DOCK1: variants seen among roughly 807,000 people sequenced by gnomAD.
DOCK1 encodes dedicator of cytokinesis protein 1.
A neutral mutation model predicts 262.7 loss-of-function variants in DOCK1; 138 were observed. That is an observed-to-expected ratio of 0.53 (90% CI 0.46 to 0.61). DOCK1 has a LOEUF of 0.61. Ranked by LOEUF, DOCK1 falls within the 20% of genes least tolerant of loss-of-function variation. DOCK1 has a pLI of 0.00. For missense variants in DOCK1, 1,908 were observed against 2,370.7 expected (o/e 0.80, Z 4.05); for synonymous variants, 866 against 867.4 (o/e 1.00, Z 0.03).
chr10:127,396,466 C>T (rs2066853052), intron 38 of DOCK1, among the ~76,000 whole-genome samples: 1 of 152,190 alleles, frequency 6.6e-6, no homozygotes, highest in African/African-American at 2.4e-5. Flanking sequence ...TCCAACTCCC[C>T]TGTCCAGCCA....
chr10:126,931,391 C>T (rs2134182889), intron 1 of DOCK1, among the ~76,000 whole-genome samples: 1 of 152,304 alleles, frequency 6.6e-6, no homozygotes, highest in Non-Finnish European at 1.5e-5. Context: ...GCTGATCCTT[C>T]TCTGTGTGGA....
At chr10:126,965,098 T>A (rs2037562134) in intron 1 of DOCK1, among the ~76,000 whole-genome samples, 1 of 152,192 alleles carries the variant, frequency 6.6e-6, no homozygotes, top group Non-Finnish European at 1.5e-5. Flanking sequence ...GACTTACAGA[T>A]GAGCAACTCT....
intron 19 of DOCK1, among the ~76,000 whole-genome samples, chr10:127,041,052 T>C (rs1233345111): frequency 6.6e-6 from 1 of 152,200 alleles, no homozygotes; most frequent in East Asian, 1.9e-4. Flanking sequence ...CCTTGTGTCT[T>C]CAAGGTTTAT....
chr10:127,266,097 G>T (rs1431339958), intron 29 of DOCK1, among the ~76,000 whole-genome samples: 1 of 152,250 alleles, frequency 6.6e-6, no homozygotes, highest in East Asian at 1.9e-4. Flanking sequence ...GGCACCAGTG[G>T]CAACCTGTGG....
chr10:127,444,059 T>G (rs2070366663), intron 49 of DOCK1, 67 bp from the exon 50 acceptor site: 1 of 1,538,870 alleles, frequency 6.5e-7, no homozygotes, highest in African/African-American at 1.4e-5. Flanking sequence ...AACATAGGAA[T>G]TTAGGTGGAA....
At chr10:127,018,473 C>T (rs1444026749) in intron 12 of DOCK1, 20 of 557,344 alleles carry the variant, frequency 3.6e-5, no homozygotes, top group East Asian at 1.6e-4. Context: ...TGCTGATGTG[C>T]GTTCAGCTGT....
At chr10:127,379,972 T>A in intron 35 of DOCK1, 110 bp from the exon 36 acceptor site, 1 of 739,158 alleles carries the variant, frequency 1.4e-6, no homozygotes. Context: ...AAGAGCTGGG[T>A]CCATTTGGCT....
chr10:127,281,847 C>G (rs987385201), intron 29 of DOCK1, among the ~76,000 whole-genome samples: 1 of 152,190 alleles, frequency 6.6e-6, no homozygotes, highest in Admixed American at 6.5e-5. Flanking sequence ...CCTGGCACCA[C>G]CCATGGTACA....
Position 127,372,357 on chromosome 10 carries a change from G to A in DOCK1, c.3433-1424G>A, listed in dbSNP as rs538704851. ...CATCCCCAAGTCTCTGGTGCCCACA[G>A]TGTCTGTCACAGGCACTCTGGATGA... On this transcript the variant is annotated intron_variant, in intron 33 of 51. Coordinates refer to ENST00000623213, the MANE Select transcript of DOCK1 (RefSeq NM_001290223.2). 2.0e-5 allele frequency among the ~76,000 whole-genome samples: 3 copies of A among 152,316 alleles called. No homozygotes were observed. In the South Asian group the frequency reaches 6.2e-4, roughly 32 times the overall value.
intron 27 of DOCK1, among the ~76,000 whole-genome samples, chr10:127,174,884 A>G (rs779532101): frequency 6.6e-6 from 1 of 152,174 alleles, no homozygotes; most frequent in African/African-American, 2.4e-5. Flanking sequence ...TTGGACTGGC[A>G]TATGTTGTTA....
At chr10:127,364,661 G>C (rs1193925038) in intron 33 of DOCK1, among the ~76,000 whole-genome samples, 1 of 152,162 alleles carries the variant, frequency 6.6e-6, no homozygotes, top group East Asian at 1.9e-4. Flanking sequence ...ACCGTGCCCA[G>C]CCCTAGGCAG....
intron 27 of DOCK1, among the ~76,000 whole-genome samples, chr10:127,212,600 C>T (rs1204955078): frequency 1.3e-5 from 2 of 152,004 alleles, no homozygotes; most frequent in Admixed American, 6.5e-5. Context: ...TTAAGCCTCT[C>T]CTTGTAGTGA....
At chr10:127,154,353 C>T (rs2052819239) in intron 27 of DOCK1, among the ~76,000 whole-genome samples, 1 of 152,224 alleles carries the variant, frequency 6.6e-6, no homozygotes, top group Non-Finnish European at 1.5e-5. Context: ...AGGCCAAATC[C>T]CGCCGGGGCC....
At chr10:127,107,618 C>T (rs2048609248) in intron 24 of DOCK1, among the ~76,000 whole-genome samples, 2 of 152,210 alleles carry the variant, frequency 1.3e-5, no homozygotes, top group South Asian at 4.1e-4. Flanking sequence ...CCCAAAATGG[C>T]AGCTCCGGTA....
chr10:126,949,580 G>C (rs1438782121), intron 1 of DOCK1, among the ~76,000 whole-genome samples: 5 of 152,180 alleles, frequency 3.3e-5, no homozygotes, highest in Non-Finnish European at 7.4e-5. Context: ...GACATGGTTG[G>C]ATCTCTCTGT....
intron 1 of DOCK1, among the ~76,000 whole-genome samples, chr10:126,922,084 C>T (rs763489090): frequency 2.6e-5 from 4 of 151,810 alleles, no homozygotes; most frequent in Admixed American, 6.6e-5. Flanking sequence ...TGGTGGCACA[C>T]ACCTGTAGTC....
chr10:127,109,776 C>A (rs568189003), intron 24 of DOCK1, among the ~76,000 whole-genome samples: 2 of 151,776 alleles, frequency 1.3e-5, no homozygotes, highest in South Asian at 2.1e-4. Context: ...TGATGGACTT[C>A]GTGTTTTTTT....
rs2033665299 is a variant in DOCK1 at position 126,925,770 on chromosome 10, G to A, written c.46+20207G>A. Among the ~76,000 whole-genome samples, 15 of 146,266 alleles carry A rather than the reference G, an allele frequency of 1.0e-4. 1 individual carries two copies. In the South Asian group the frequency reaches 3.2e-3, roughly 32 times the overall value. On this transcript the variant is annotated intron_variant, in intron 1 of 51. Transcript: ENST00000623213. ...TGTGTGTGTGTGTGTGTGTGTGTGT[G>A]CGCCTAGGTGCATCTGCAGAAATAG...
At chr10:127,064,348 C>T (rs919465745) in intron 23 of DOCK1, among the ~76,000 whole-genome samples, 1 of 152,140 alleles carries the variant, frequency 6.6e-6, no homozygotes, top group Non-Finnish European at 1.5e-5. Flanking sequence ...ATCAACTTTG[C>T]GGATTAGAGT....
Sources: allele counts gnomAD v4.1 joint callset (sites outside exome capture counted in the v4.1 genomes callset), GRCh38; gene constraint gnomAD v4.1.1; transcripts MANE v1.5; gene names NCBI Gene and HGNC (gene_info 2026-07-23, HGNC 2026-07-21).